The following TNFAIP8 variants were observed in gnomAD, a reference collection of about 807,000 sequenced individuals.
TNFAIP8 encodes TNF alpha induced protein 8, also known as tumor necrosis factor alpha-induced protein 8.
In TNFAIP8, 7 loss-of-function variants were observed where a neutral mutation model predicts 13.3. The observed-to-expected ratio is 0.52, with a 90% CI of 0.30 to 0.99. The LOEUF is 0.99. TNFAIP8 is among the 50% of genes least tolerant of loss of function. TNFAIP8 has a pLI of 0.07. For synonymous variants in TNFAIP8, 94 were observed against 87.6 expected (o/e 1.07, Z -0.41); for missense variants, 258 against 236.9 (o/e 1.09, Z -0.58).
chr5:119,293,068 TTTTAC>T (rs1256107774), intron 1 of TNFAIP8, among the ~76,000 whole-genome samples: 1 of 152,072 alleles, frequency 6.6e-6, no homozygotes, highest in African/African-American at 2.4e-5. Flanking sequence ...TGTTTTTAAA[TTTTAC>T]TTTAATTGAC....
intron 1 of TNFAIP8, among the ~76,000 whole-genome samples, chr5:119,282,446 C>G (rs557009381): frequency 6.6e-6 from 1 of 152,268 alleles, no homozygotes; most frequent in African/African-American, 2.4e-5. Context: ...CGGGCCCTTC[C>G]CCTGAGCAGA....
At chr5:119,346,023 C>T (rs149158636) in intron 1 of TNFAIP8, among the ~76,000 whole-genome samples, 149 of 152,166 alleles carry the variant, frequency 9.8e-4, no homozygotes, top group Non-Finnish European at 1.4e-3. Context: ...ACCCGTGGGC[C>T]GTGGGTCTGA....
Position 119,394,402 on chromosome 5 carries a change from A to AT in TNFAIP8, c.*1027dup, listed in dbSNP as rs1244871173. On this transcript the variant is annotated 3_prime_UTR_variant, in exon 2 of 2. Coordinates refer to ENST00000504771, the MANE Select transcript of TNFAIP8 (RefSeq NM_014350.4). ...TTATTTAACTGATAAGATTTTTGTT[A>AT]TTTTTTACTTTGATAAGTAAACCAA... 1 of 152,100 alleles carries AT rather than the reference A, an allele frequency of 6.6e-6. No individual in the cohort carries two copies. Among genetic ancestry groups the AT allele is most frequent in the Non-Finnish European group, 1.5e-5 (1 of 68,006 alleles). The allele number at this position is 152,100 out of a possible 1,614,324, so 9.4% of individuals were successfully genotyped here.
chr5:119,357,974 A>G (rs911264228), intron 1 of TNFAIP8, among the ~76,000 whole-genome samples: 1 of 152,052 alleles, frequency 6.6e-6, no homozygotes, highest in Non-Finnish European at 1.5e-5. Flanking sequence ...AGGCTGGTTC[A>G]TTGGCTGTAA....
intron 1 of TNFAIP8, among the ~76,000 whole-genome samples, chr5:119,380,883 T>C (rs984010720): frequency 6.6e-6 from 1 of 152,216 alleles, no homozygotes; most frequent in African/African-American, 2.4e-5. Context: ...ATTTTATCTA[T>C]ATTCCTTGCA....
intron 1 of TNFAIP8, among the ~76,000 whole-genome samples, chr5:119,392,526 G>T (rs1188680999): frequency 6.6e-6 from 1 of 152,054 alleles, no homozygotes; most frequent in East Asian, 1.9e-4. Context: ...GAGTAGCTGG[G>T]ATTATAGGTG....
intron 1 of TNFAIP8, among the ~76,000 whole-genome samples, chr5:119,387,808 T>C (rs1752737824): frequency 1.3e-5 from 2 of 152,226 alleles, no homozygotes; most frequent in African/African-American, 4.8e-5. Flanking sequence ...ATAAGTAATG[T>C]AAAATAACAT....
At chr5:119,292,939 GTTC>G (rs1298110472) in intron 1 of TNFAIP8, among the ~76,000 whole-genome samples, 14 of 151,536 alleles carry the variant, frequency 9.2e-5, no homozygotes, top group East Asian at 1.9e-4. Context: ...ATGATGAAAT[GTTC>G]TTCTTCTTTT....
chr5:119,306,731 C>T (rs1581590680), intron 1 of TNFAIP8: 1 of 152,056 alleles, frequency 6.6e-6, no homozygotes, highest in Non-Finnish European at 1.5e-5. Context: ...AGTGATTATC[C>T]AAGCCATTAC....
At chr5:119,373,674 G>A (rs1412325018) in intron 1 of TNFAIP8, among the ~76,000 whole-genome samples, 1 of 152,240 alleles carries the variant, frequency 6.6e-6, no homozygotes, top group African/African-American at 2.4e-5. Flanking sequence ...TGGAAGACTG[G>A]ACGTGTGGTT....
chr5:119,334,240 A>G (rs1750475847), intron 1 of TNFAIP8, among the ~76,000 whole-genome samples: 1 of 152,172 alleles, frequency 6.6e-6, no homozygotes, highest in Admixed American at 6.5e-5. Context: ...TCCCACAAGT[A>G]GACTTAATTT....
chr5:119,270,357 A>G (rs1017884452), intron 1 of TNFAIP8, among the ~76,000 whole-genome samples: 3 of 152,242 alleles, frequency 2.0e-5, no homozygotes, highest in Non-Finnish European at 2.9e-5. Context: ...ATCACGTTTG[A>G]TGAAACACTT....
At chr5:119,322,643 C>G (rs1750095959) in intron 1 of TNFAIP8, among the ~76,000 whole-genome samples, 1 of 152,206 alleles carries the variant, frequency 6.6e-6, no homozygotes, top group Non-Finnish European at 1.5e-5. Flanking sequence ...CCTGATTTTC[C>G]TCCCCGTTTT....
intron 1 of TNFAIP8, among the ~76,000 whole-genome samples, chr5:119,287,278 A>G (rs973720879): frequency 5.7e-5 from 4 of 69,612 alleles, no homozygotes; most frequent in Non-Finnish European, 1.2e-4. Context: ...GACAGTAACC[A>G]AGTTTTTTTT....
chr5:119,269,945 T>C (rs1748228161), intron 1 of TNFAIP8, among the ~76,000 whole-genome samples: 1 of 152,210 alleles, frequency 6.6e-6, no homozygotes, highest in African/African-American at 2.4e-5. Context: ...TGGGGTCCTA[T>C]CTAATTTTAA....
At chr5:119,288,706 A>G (rs984381630) in intron 1 of TNFAIP8, among the ~76,000 whole-genome samples, 1 of 152,200 alleles carries the variant, frequency 6.6e-6, no homozygotes, top group African/African-American at 2.4e-5. Context: ...TAGAAGGATC[A>G]ATCTCTAACC....
intron 1 of TNFAIP8, among the ~76,000 whole-genome samples, chr5:119,273,625 T>TA (rs1414289712): frequency 6.6e-6 from 1 of 152,180 alleles, no homozygotes. Flanking sequence ...CTATTACAGT[T>TA]AAATTGTGAG....
intron 1 of TNFAIP8, among the ~76,000 whole-genome samples, chr5:119,335,821 C>T (rs146397179): frequency 9.9e-5 from 15 of 151,330 alleles, no homozygotes; most frequent in South Asian, 8.4e-4. Flanking sequence ...AGTGGAGAAC[C>T]GAGTGCTAAG....
At chr5:119,287,874 G>C (rs966340404) in intron 1 of TNFAIP8, among the ~76,000 whole-genome samples, 1 of 152,196 alleles carries the variant, frequency 6.6e-6, no homozygotes, top group African/African-American at 2.4e-5. Context: ...GATTAAACTT[G>C]AAAATTGTGG....
Sources: gnomAD v4.1 joint callset for allele counts (sites outside exome capture counted in the v4.1 genomes callset) on GRCh38, gnomAD v4.1.1 for gene constraint, MANE v1.5 for transcripts, NCBI Gene and HGNC (gene_info 2026-07-23, HGNC 2026-07-21) for gene names.